Variants in LRRC8D observed in about 807,000 individuals in gnomAD.
LRRC8D encodes volume-regulated anion channel subunit LRRC8D.
In LRRC8D, 20 loss-of-function variants were observed where a neutral mutation model predicts 55.8. That is an observed-to-expected ratio of 0.36 (90% CI 0.25 to 0.52). The LOEUF is 0.52. Ranked by LOEUF, LRRC8D falls within the 20% of genes least tolerant of loss-of-function variation. The probability of loss-of-function intolerance (pLI) is 0.93; values close to 1 mark genes in which losing one functional copy is unlikely to be tolerated. For synonymous variants in LRRC8D, 352 were observed against 377.0 expected (o/e 0.93, Z 0.77); for missense variants, 651 against 1,030.8 (o/e 0.63, Z 5.05).
At chr1:89,886,009 T>C (rs1409396275) in intron 2 of LRRC8D, among the ~76,000 whole-genome samples, 1 of 152,208 alleles carries the variant, frequency 6.6e-6, no homozygotes, top group African/African-American at 2.4e-5. Flanking sequence ...CTCACTTACT[T>C]GCATTTTTCC....
intron 1 of LRRC8D, among the ~76,000 whole-genome samples, chr1:89,825,461 C>G (rs1344579790): frequency 4.6e-5 from 7 of 152,176 alleles, no homozygotes; most frequent in Non-Finnish European, 1.5e-5. Context: ...ATGTTTTGTG[C>G]AAATCTGAAG....
chr1:89,853,227 G>C (rs1318009384), intron 2 of LRRC8D, among the ~76,000 whole-genome samples: 1 of 152,220 alleles, frequency 6.6e-6, no homozygotes, highest in Admixed American at 6.5e-5. Context: ...GATTCTTCTG[G>C]TTTTGATGAC....
At position 89,912,791 on chromosome 1, in the gene LRRC8D, T is replaced by G. The variant is rs191633768; in HGVS notation, c.-2-20276T>G. 1.9e-3 allele frequency among the ~76,000 whole-genome samples: 291 copies of G among 152,368 alleles called. 2 individuals are homozygous for G. The highest frequency in any genetic ancestry group is 6.6e-3 in the African/African-American group (275 of 41,594). ...ACTATTTTATGTTTATACTTCCACT[T>G]TAAGTCCTTAGTGTTTATAAAATAC... On this transcript the variant is annotated intron_variant, in intron 2 of 2. Transcript: ENST00000337338.
chr1:89,928,419 G>T (rs1009356883), intron 2 of LRRC8D, among the ~76,000 whole-genome samples: 1 of 152,114 alleles, frequency 6.6e-6, no homozygotes, highest in African/African-American at 2.4e-5. Context: ...GAAGGAAAAG[G>T]TAGTGCTTGA....
intron 1 of LRRC8D, among the ~76,000 whole-genome samples, chr1:89,831,447 G>A (rs1660884049): frequency 6.6e-6 from 1 of 152,156 alleles, no homozygotes; most frequent in Admixed American, 6.5e-5. Context: ...AATATAAAAG[G>A]GGAGAGGACC....
chr1:89,846,246 T>C lies in LRRC8D; in HGVS notation c.-3+2464T>C, dbSNP rs552596756. On this transcript the variant is annotated intron_variant, in intron 2 of 2. Transcript: ENST00000337338. ...AGAGTCTCCTTCTATTCTAGTGATA[T>C]TTAAACTCAGAAATCATAACTGGCC... Among the ~76,000 whole-genome samples, 15 of 152,294 alleles carry C rather than the reference T, an allele frequency of 9.8e-5. 1 individual carries two copies. In the South Asian group the frequency reaches 2.1e-3, roughly 21 times the overall value.
chr1:89,843,082 TC>T (rs1412906889), intron 1 of LRRC8D: 1 of 152,336 alleles, frequency 6.6e-6, no homozygotes, highest in Non-Finnish European at 1.5e-5. Context: ...ACAAGTAATT[TC>T]CCATCTTGAA....
At chr1:89,846,955 C>G (rs1483522260) in intron 2 of LRRC8D, among the ~76,000 whole-genome samples, 1 of 152,138 alleles carries the variant, frequency 6.6e-6, no homozygotes, top group Admixed American at 6.5e-5. Flanking sequence ...ATATGACTCT[C>G]CACTCCCCAC....
At chr1:89,922,168 A>C (rs1308141404) in intron 2 of LRRC8D, among the ~76,000 whole-genome samples, 5 of 151,976 alleles carry the variant, frequency 3.3e-5, no homozygotes, top group Non-Finnish European at 7.4e-5. Context: ...GGTTCAAGCT[A>C]TGCTCGTGCT....
rs539029839 is a variant in LRRC8D, at chr1:89,911,599, C to T, written c.-2-21468C>T. ...CTGAAAAATACACCCTCCCATCATA[C>T]CTGCCTCCCCCGCTTGCTGTTGTAC... On this transcript the variant is annotated intron_variant, in intron 2 of 2. Transcript: ENST00000337338. This position sits in a 1 kb window ranked among gnomAD's most constrained non-coding sequence, Gnocchi z 4.0. Among the ~76,000 whole-genome samples, 1 of 152,286 alleles carries T rather than the reference C, an allele frequency of 6.6e-6. No individual in the cohort carries two copies. The highest frequency in any genetic ancestry group is 2.4e-5 in the African/African-American group (1 of 41,552).
At chr1:89,893,469 A>C (rs2100886124) in intron 2 of LRRC8D, among the ~76,000 whole-genome samples, 1 of 152,382 alleles carries the variant, frequency 6.6e-6, no homozygotes, top group South Asian at 2.1e-4. Flanking sequence ...GGTAGACCAG[A>C]ATTGCAAGGG....
At chr1:89,896,092 A>G (rs1309473741) in intron 2 of LRRC8D, among the ~76,000 whole-genome samples, 5 of 152,266 alleles carry the variant, frequency 3.3e-5, no homozygotes, top group African/African-American at 1.2e-4. Context: ...TTTCCAGACT[A>G]ACAACCCAAA....
chr1:89,875,607 A>G lies in LRRC8D; in HGVS notation c.-3+31825A>G, dbSNP rs17445044. Among the ~76,000 whole-genome samples, 596 of 152,314 alleles carry G rather than the reference A, an allele frequency of 3.9e-3. 4 individuals carry two copies. The highest frequency in any genetic ancestry group is 4.2e-3 in the Non-Finnish European group (284 of 68,022). On this transcript the variant is annotated intron_variant, in intron 2 of 2. Coordinates refer to ENST00000337338, the MANE Select transcript of LRRC8D (RefSeq NM_001134479.2). Reference sequence around the variant, plus strand: ...GGTCAGAGAAAGCCTTTCATATACAACAGTGTAACTTCCACCTCTTTTAAG... The same window carrying G: ...GGTCAGAGAAAGCCTTTCATATACAGCAGTGTAACTTCCACCTCTTTTAAG...
intron 2 of LRRC8D, among the ~76,000 whole-genome samples, chr1:89,844,458 T>A (rs541441700): frequency 6.6e-6 from 1 of 152,194 alleles, no homozygotes; most frequent in Admixed American, 6.5e-5. Flanking sequence ...AGATGTTTAG[T>A]CTGGTGTCTG....
At chr1:89,929,383 A>G (rs1663643939) in intron 2 of LRRC8D, among the ~76,000 whole-genome samples, 1 of 152,246 alleles carries the variant, frequency 6.6e-6, no homozygotes, top group South Asian at 2.1e-4. Context: ...AGAAACTGGC[A>G]GAAGTTACTG....
At chr1:89,835,741 G>C (rs2100722522) in intron 1 of LRRC8D, among the ~76,000 whole-genome samples, 1 of 152,324 alleles carries the variant, frequency 6.6e-6, no homozygotes, top group South Asian at 2.1e-4. Flanking sequence ...TAGTTGTGAG[G>C]ATGGTTTATA....
intron 1 of LRRC8D, among the ~76,000 whole-genome samples, chr1:89,823,346 A>G (rs12723675): frequency 0.14 from 21,938 of 152,208 alleles, 1,881 homozygotes; most frequent in South Asian, 0.28. Flanking sequence ...CTAAAGTTTA[A>G]TGGAAAGAAA....
rs530556097 is a variant in LRRC8D at position 89,840,546 on chromosome 1, T to C, written c.-147-3092T>C. ...CTCTGGAGGGGAGAGTATTAGACAT[T>C]TGGGTGTGGACATAGCAGCATAGGC... is the stretch of plus-strand genomic sequence containing the variant. On this transcript the variant is annotated intron_variant, in intron 1 of 2. Transcript: ENST00000337338. 4.6e-5 allele frequency among the ~76,000 whole-genome samples: 7 copies of C among 152,248 alleles called. No individual in the cohort carries two copies. In the East Asian group the frequency reaches 1.2e-3, roughly 25 times the overall value.
In LRRC8D at chr1:89,886,399, T is replaced by A. The variant is rs565328578; in HGVS notation, c.-3+42617T>A. Among the ~76,000 whole-genome samples, 5 of 152,306 alleles carry A rather than the reference T, an allele frequency of 3.3e-5. No individual in the cohort carries two copies. The South Asian group carries it at 1.0e-3, about 32-fold the overall frequency. On this transcript the variant is annotated intron_variant, in intron 2 of 2. Coordinates refer to ENST00000337338, the MANE Select transcript of LRRC8D (RefSeq NM_001134479.2). ...AGAAGTTTAAGTAGTGGAAGAAGGA[T>A]CTAGTAGCTCTTATACTGTAGCTTA...
Sources: allele counts gnomAD v4.1 joint callset (sites outside exome capture counted in the v4.1 genomes callset), GRCh38; gene constraint gnomAD v4.1.1; non-coding constraint Gnocchi (gnomAD v3.1); transcripts MANE v1.5; gene names NCBI Gene and HGNC (gene_info 2026-07-23, HGNC 2026-07-21).